AP4E1: variants seen among roughly 807,000 people sequenced by gnomAD.
The protein encoded by AP4E1 is AP-4 complex subunit epsilon-1.
A neutral mutation model predicts 128.2 loss-of-function variants in AP4E1; 56 were observed. That is an observed-to-expected ratio of 0.44 (90% CI 0.35 to 0.55). The LOEUF is 0.55. AP4E1 is among the 20% of genes least tolerant of loss of function. The pLI, the probability that AP4E1 is intolerant of heterozygous loss-of-function variation, is 0.00. For synonymous variants in AP4E1, 484 were observed against 473.1 expected (o/e 1.02, Z -0.30); for missense variants, 1,324 against 1,307.7 (o/e 1.01, Z -0.19).
intron 15 of AP4E1, among the ~76,000 whole-genome samples, chr15:50,980,675 G>T (rs1031953391): frequency 9.2e-5 from 14 of 152,146 alleles, no homozygotes; most frequent in East Asian, 7.7e-4. Flanking sequence ...AGCTCTGGGA[G>T]TGCAGAATGT....
rs1956019116 is a variant in AP4E1, at chr15:51,004,217, T to C, written c.*1555T>C. 1.3e-5 allele frequency: 2 copies of C among 152,170 alleles called. No homozygotes were observed. Among genetic ancestry groups the C allele is most frequent in the African/African-American group, 4.8e-5 (2 of 41,424 alleles). 9.4% of individuals were successfully genotyped at this position (152,170 alleles called of 1,614,324 possible). A position where few individuals can be genotyped will look rare whatever the true frequency, so the allele number is the denominator to read the frequency against. On this transcript the variant is annotated 3_prime_UTR_variant, in exon 21 of 21. Coordinates refer to ENST00000261842, the MANE Select transcript of AP4E1 (RefSeq NM_007347.5). ...GAAATGAGTGTGCTGACTTCAGGGGTGTGGTGGACACTGGTAGCTAGCCTT... is the reference window on the plus strand; with the variant it reads ...GAAATGAGTGTGCTGACTTCAGGGGCGTGGTGGACACTGGTAGCTAGCCTT...
chr15:50,956,276 G>T (rs1014192955), intron 13 of AP4E1, among the ~76,000 whole-genome samples: 5 of 152,078 alleles, frequency 3.3e-5, no homozygotes, highest in Non-Finnish European at 5.9e-5. Flanking sequence ...TTATCATACT[G>T]TTTAAGGATT....
intron 13 of AP4E1, among the ~76,000 whole-genome samples, chr15:50,955,904 CA>C (rs2064216797): frequency 6.6e-6 from 1 of 152,152 alleles, no homozygotes; most frequent in Non-Finnish European, 1.5e-5. Flanking sequence ...GGTGGGGCTG[CA>C]GATTTTTCTG....
At chr15:50,967,505 A>G (rs1014698429) in intron 14 of AP4E1, among the ~76,000 whole-genome samples, 1 of 152,250 alleles carries the variant, frequency 6.6e-6, no homozygotes, top group Non-Finnish European at 1.5e-5. Flanking sequence ...TGGTACATCC[A>G]GAAGGAAGCA....
intron 20 of AP4E1, among the ~76,000 whole-genome samples, chr15:51,001,942 G>T (rs897941428): frequency 6.6e-6 from 1 of 152,022 alleles, no homozygotes; most frequent in South Asian, 2.1e-4. Context: ...ACAGTGGTGC[G>T]ATCTGAGCTC....
chr15:50,935,712 G>A (rs1303891132), intron 8 of AP4E1, among the ~76,000 whole-genome samples: 2 of 152,092 alleles, frequency 1.3e-5, no homozygotes, highest in African/African-American at 2.4e-5. Context: ...GATAACCTGC[G>A]GACCTTTAAG....
At position 50,997,612 on chromosome 15, in the gene AP4E1, T is replaced by C; in HGVS notation, c.2633T>C (p.Phe878Ser). The change falls in exon 18 of 21, where the codon TTT becomes TCT. Residue 878 changes from phenylalanine to serine, a missense_variant. Transcript: ENST00000261842. ...TGTAGTCTGTCTACACCTTCATTGT[T>C]TGCTAATAACAACATGGAAATTTTT... ...SYCSLSTPSL[F>S]ANNNMEIFHP... The C allele has an allele frequency of 6.2e-7, 1 of 1,614,096 alleles. No homozygotes were observed. Among genetic ancestry groups the C allele is most frequent in the Non-Finnish European group, 8.5e-7 (1 of 1,179,984 alleles).
At chr15:50,931,372 C>T (rs542369376) in intron 7 of AP4E1, among the ~76,000 whole-genome samples, 1 of 152,180 alleles carries the variant, frequency 6.6e-6, no homozygotes, top group Admixed American at 6.5e-5. Flanking sequence ...TTGAGACCAG[C>T]CTGACCAACA....
chr15:50,987,677 A>G (rs1356386049), intron 16 of AP4E1, among the ~76,000 whole-genome samples: 5 of 152,178 alleles, frequency 3.3e-5, no homozygotes, highest in Admixed American at 3.3e-4. Context: ...ACAGTTTGTT[A>G]TAATTTCTGT....
intron 7 of AP4E1, 66 bp from the exon 8 acceptor site, chr15:50,934,555 AGTT>A (rs770155362): frequency 4.9e-6 from 5 of 1,022,782 alleles, no homozygotes; most frequent in Non-Finnish European, 3.0e-6. Flanking sequence ...TTTAAAGAGA[AGTT>A]TGAAAAACTG....
rs73408535 is a variant in AP4E1, at chr15:50,949,512, A to G, written c.1317-314A>G. 1.8e-3 allele frequency among the ~76,000 whole-genome samples: 276 copies of G among 152,224 alleles called. 2 individuals are homozygous for G. Among genetic ancestry groups the G allele is most frequent in the African/African-American group, 6.0e-3 (249 of 41,550 alleles). On this transcript the variant is annotated intron_variant, in intron 11 of 20. Transcript: ENST00000261842. ...TTCTTTGAAGTGAATTCTTTGAAGA[A>G]TATAATTTTCCATTATTTGCATCTA...
At chr15:50,958,966 C>A (rs142624863) in intron 14 of AP4E1, among the ~76,000 whole-genome samples, 172 bp downstream of exon 14, 74 of 152,278 alleles carry the variant, frequency 4.9e-4, no homozygotes, top group African/African-American at 1.8e-3. Context: ...GCTCCCAGCA[C>A]TTTGGGAGGC....
intron 15 of AP4E1, among the ~76,000 whole-genome samples, chr15:50,969,806 C>T (rs144868556): frequency 7.0e-4 from 106 of 151,892 alleles, no homozygotes; most frequent in African/African-American, 2.4e-3. Context: ...CTACAAGCGC[C>T]GGCCACCACG....
At chr15:50,954,314 A>G (rs970281404) in intron 13 of AP4E1, among the ~76,000 whole-genome samples, 3 of 152,208 alleles carry the variant, frequency 2.0e-5, no homozygotes, top group Admixed American at 1.3e-4. Flanking sequence ...TTTGCATAAA[A>G]TTGCTGTTAA....
At chr15:50,949,733 A>G (rs905274412) in intron 11 of AP4E1, 93 bp from the exon 12 acceptor site, 488 of 968,108 alleles carry the variant, frequency 5.0e-4, no homozygotes, top group Non-Finnish European at 7.2e-4. Context: ...CCATACTAGG[A>G]TGAATTGGGG....
At chr15:51,000,972 T>G (rs939979287) in intron 19 of AP4E1, 54 bp from the exon 20 acceptor site, 16 of 1,413,394 alleles carry the variant, frequency 1.1e-5, no homozygotes, top group Non-Finnish European at 1.6e-5. Context: ...AATTTGTTGT[T>G]TAGAATCATT....
rs1274862533 is a variant in AP4E1, at chr15:51,001,032, A to G, written c.3102A>G (p.Leu1034=). The stretch of plus-strand genomic sequence containing the variant: ...TTTTAAAAATTATTTTCAGACCATT[A>G]AAAATCTCAAGTGACGACTTTGGGA... The part of the protein sequence containing the change: ...NLSLLDFIRP[L]KISSDDFGKL... Residue 1034 remains leucine (L), a synonymous_variant, in exon 20 of 21, where the codon TTA becomes TTG. Coordinates refer to ENST00000261842, the MANE Select transcript of AP4E1 (RefSeq NM_007347.5). 1.2e-6 allele frequency: 2 copies of G among 1,610,460 alleles called. No individual in the cohort carries two copies. The highest frequency in any genetic ancestry group is 1.3e-5 in the African/African-American group (1 of 74,806).
At position 50,930,813 on chromosome 15, in the gene AP4E1, A is replaced by T. The variant is rs797045247; in HGVS notation, c.711A>T (p.Ser237=). Residue 237 remains serine, a synonymous_variant, in exon 7 of 21, where the codon TCA becomes TCT. Transcript: ENST00000261842. The part of the protein sequence containing the change: ...HIYLRMIKEN[S]SGYKDLTGSF... ...TTTGCGGGGGGATGTAGGAGAATTC[A>T]TCTGGATATAAAGACTTGACTGGGA... The T allele has an allele frequency of 1.2e-6, 2 of 1,614,148 alleles. No individual in the cohort carries two copies. Among genetic ancestry groups the T allele is most frequent in the Middle Eastern group, 1.6e-4 (1 of 6,062 alleles).
At chr15:50,949,484 A>T (rs1215798783) in intron 11 of AP4E1, among the ~76,000 whole-genome samples, 1 of 151,618 alleles carries the variant, frequency 6.6e-6, no homozygotes, top group Non-Finnish European at 1.5e-5. Flanking sequence ...AACAATATTT[A>T]GCTTCTTTGA....
Sources: gnomAD v4.1 joint callset for allele counts (sites outside exome capture counted in the v4.1 genomes callset) on GRCh38, gnomAD v4.1.1 for gene constraint, MANE v1.5 for transcripts, NCBI Gene and HGNC (gene_info 2026-07-23, HGNC 2026-07-21) for gene names.